The following LUZP2 variants were observed in gnomAD, a reference collection of about 807,000 sequenced individuals.
The protein encoded by LUZP2 is leucine zipper protein 2.
Under a neutral mutation model 51.6 loss-of-function variants are expected in LUZP2, and 52 were observed. The ratio of observed to expected loss-of-function variants is 1.01; its 90% CI spans 0.81 to 1.27. LUZP2 has a LOEUF of 1.27. Ranked by LOEUF, LUZP2 falls within the 50% of genes most tolerant of loss-of-function variation. The probability of loss-of-function intolerance (pLI) is 0.00; values close to 1 mark genes in which losing one functional copy is unlikely to be tolerated. For missense variants in LUZP2, 436 were observed against 395.4 expected, an observed-to-expected ratio of 1.10 and a Z score of -0.87; for synonymous variants, 154 against 137.3, an observed-to-expected ratio of 1.12 and a Z score of -0.85.
At chr11:24,711,819 C>T (rs1359582308) in intron 1 of LUZP2, among the ~76,000 whole-genome samples, 1 of 152,050 alleles carries the variant, frequency 6.6e-6, no homozygotes, top group East Asian at 1.9e-4. Flanking sequence ...CAAATTTTTC[C>T]CCTTACTAAC....
At chr11:24,768,443 G>A (rs1860277823) in intron 5 of LUZP2, among the ~76,000 whole-genome samples, 1 of 152,150 alleles carries the variant, frequency 6.6e-6, no homozygotes. Flanking sequence ...GTTGGATAAT[G>A]TTCAGGGCTT....
intron 5 of LUZP2, among the ~76,000 whole-genome samples, chr11:24,829,569 G>A (rs1850639048): frequency 6.6e-6 from 1 of 152,100 alleles, no homozygotes; most frequent in Non-Finnish European, 1.5e-5. Flanking sequence ...TGCACAAAGA[G>A]GGTTAAAGCT....
chr11:24,498,404 C>T (rs150286969), intron 1 of LUZP2, among the ~76,000 whole-genome samples: 9 of 152,148 alleles, frequency 5.9e-5, no homozygotes, highest in Middle Eastern at 3.4e-3. Context: ...TTCTTGATTC[C>T]GTTCCTAATC....
At chr11:24,853,432 G>T (rs943151301) in intron 5 of LUZP2, among the ~76,000 whole-genome samples, 7 of 151,974 alleles carry the variant, frequency 4.6e-5, no homozygotes, top group Non-Finnish European at 1.0e-4. Context: ...ACTTCTGTAT[G>T]CTTCATGAAG....
At chr11:24,686,678 C>T (rs1009856710) in intron 1 of LUZP2, among the ~76,000 whole-genome samples, 6 of 152,246 alleles carry the variant, frequency 3.9e-5, no homozygotes, top group Non-Finnish European at 5.9e-5. Flanking sequence ...TGTTTTCTCT[C>T]ATGCTTGCGT....
chr11:24,891,276 A>G, intron 5 of LUZP2: 1 of 983,626 alleles, frequency 1.0e-6, no homozygotes, highest in Non-Finnish European at 1.2e-6. Context: ...ATCATTAGTC[A>G]TAGCAATTCT....
chr11:24,772,165 GAA>G (rs1278817208), intron 5 of LUZP2, among the ~76,000 whole-genome samples: 24 of 152,244 alleles, frequency 1.6e-4, no homozygotes, highest in African/African-American at 5.8e-4. Context: ...TAGATTCTCA[GAA>G]GAAGTCCTTG....
intron 9 of LUZP2, among the ~76,000 whole-genome samples, chr11:25,002,879 T>C (rs1565214147): frequency 6.6e-6 from 1 of 152,144 alleles, no homozygotes; most frequent in Non-Finnish European, 1.5e-5. Context: ...CCTCTGGGTC[T>C]CCTTGATTAG....
intron 9 of LUZP2, among the ~76,000 whole-genome samples, chr11:25,048,299 T>G (rs1858383789): frequency 6.6e-6 from 1 of 152,194 alleles, no homozygotes; most frequent in Admixed American, 6.5e-5. Flanking sequence ...CCCTCATTCT[T>G]GCCATAGTTA....
At chr11:24,607,370 T>G (rs936343228) in intron 1 of LUZP2, among the ~76,000 whole-genome samples, 3 of 125,726 alleles carry the variant, frequency 2.4e-5, no homozygotes, top group Non-Finnish European at 4.9e-5. Context: ...TTTTTTTTTT[T>G]GCTTGTGGAT....
intron 8 of LUZP2, among the ~76,000 whole-genome samples, chr11:24,980,285 A>AT (rs5790448): frequency 0.51 from 77,732 of 151,270 alleles, 20,234 homozygotes; most frequent in South Asian, 0.56. Context: ...GACAAAATGC[A>AT]TTTTTTCTGA....
At chr11:24,651,925 C>T (rs995536649) in intron 1 of LUZP2, among the ~76,000 whole-genome samples, 3 of 151,990 alleles carry the variant, frequency 2.0e-5, no homozygotes, top group African/African-American at 7.2e-5. Context: ...ATGTGCAAAG[C>T]CTTTGCAATT....
At chr11:24,567,441 A>T (rs1215965307) in intron 1 of LUZP2, among the ~76,000 whole-genome samples, 1 of 152,074 alleles carries the variant, frequency 6.6e-6, no homozygotes, top group Admixed American at 6.6e-5. Flanking sequence ...AAACCTCCCA[A>T]ATGTGATGTA....
At chr11:24,801,704 A>G (rs1849701812) in intron 5 of LUZP2, among the ~76,000 whole-genome samples, 1 of 151,642 alleles carries the variant, frequency 6.6e-6, no homozygotes, top group South Asian at 2.1e-4. Flanking sequence ...TCATTTAGAC[A>G]ATAATAGTCT....
At position 24,607,341 on chromosome 11, in the gene LUZP2, C is replaced by CTTTTTTTTTTTTTTTTTTTTTTTTTT. The variant is rs57741208; in HGVS notation, c.62+110040_62+110065dup. Among the ~76,000 whole-genome samples the CTTTTTTTTTTTTTTTTTTTTTTTTTT allele has an allele frequency of 4.7e-5, 3 of 63,416 alleles. 1 individual carries two copies. The allele number at this position is 63,416 out of a possible 152,430, so 41.6% of individuals were successfully genotyped here. On this transcript the variant is annotated intron_variant, in intron 1 of 11. Coordinates refer to ENST00000336930, the MANE Select transcript of LUZP2 (RefSeq NM_001009909.4). ...GTGGTATAAGATGGGGATATTATGT[C>CTTTTTTTTTTTTTTTTTTTTTTTTTT]TTTTTTTTTTTTTTTTTTTTTTTTT...
chr11:24,735,278 G>A (rs1446727279), intron 3 of LUZP2, among the ~76,000 whole-genome samples: 2 of 151,818 alleles, frequency 1.3e-5, no homozygotes, highest in African/African-American at 4.8e-5. Context: ...TATTTACACA[G>A]CCTTGATAAT....
intron 9 of LUZP2, among the ~76,000 whole-genome samples, chr11:25,029,629 T>G (rs980103590): frequency 4.0e-5 from 6 of 150,580 alleles, no homozygotes; most frequent in Admixed American, 6.6e-5. Flanking sequence ...CCCAGCTACT[T>G]GGGAGGCTGA....
intron 1 of LUZP2, among the ~76,000 whole-genome samples, chr11:24,520,779 T>C (rs575886852): frequency 1.3e-5 from 2 of 152,144 alleles, no homozygotes; most frequent in Non-Finnish European, 2.9e-5. Flanking sequence ...TTATTTTTTG[T>C]CAGTGCAAAG....
At chr11:24,757,018 A>G (rs1440201738) in intron 4 of LUZP2, among the ~76,000 whole-genome samples, 1 of 152,198 alleles carries the variant, frequency 6.6e-6, no homozygotes, top group Non-Finnish European at 1.5e-5. Flanking sequence ...GAAGAGATAG[A>G]TAAGACAAGT....
Sources: gnomAD v4.1 joint callset for allele counts (sites outside exome capture counted in the v4.1 genomes callset) on GRCh38, gnomAD v4.1.1 for gene constraint, MANE v1.5 for transcripts, NCBI Gene and HGNC (gene_info 2026-07-23, HGNC 2026-07-21) for gene names.